Variants in MPP7 observed in about 807,000 individuals in gnomAD.
MPP7 encodes the protein MAGUK p55 subfamily member 7.
In MPP7, 60 loss-of-function variants were observed where a neutral mutation model predicts 76.5. The ratio of observed to expected loss-of-function variants is 0.78; its 90% CI spans 0.64 to 0.97. MPP7 has a LOEUF of 0.97. Ranked by LOEUF, MPP7 falls within the 50% of genes least tolerant of loss-of-function variation. The pLI is 0.00. For missense variants in MPP7, 641 were observed against 694.0 expected (o/e 0.92, Z 0.86); for synonymous variants, 237 against 244.5 (o/e 0.97, Z 0.29).
chr10:28,098,363 CT>C (rs1853663858), intron 11 of MPP7, among the ~76,000 whole-genome samples: 1 of 151,604 alleles, frequency 6.6e-6, no homozygotes, highest in South Asian at 2.1e-4. Flanking sequence ...ATGAGTTTTA[CT>C]TTTTTTAGTA....
chr10:28,323,925 A>G (rs1451344475), intron 2 of MPP7, among the ~76,000 whole-genome samples: 2 of 152,150 alleles, frequency 1.3e-5, no homozygotes, highest in Non-Finnish European at 2.9e-5. Context: ...TGCCATGCAC[A>G]TTTTGCGTTC....
intron 12 of MPP7, among the ~76,000 whole-genome samples, chr10:28,084,036 G>C (rs1021559468): frequency 6.6e-6 from 1 of 152,158 alleles, no homozygotes; most frequent in African/African-American, 2.4e-5. Context: ...AGGGGCTAAA[G>C]AGTTTCACAT....
At chr10:28,083,982 T>C (rs1236847247) in intron 12 of MPP7, among the ~76,000 whole-genome samples, 1 of 152,232 alleles carries the variant, frequency 6.6e-6, no homozygotes, top group Admixed American at 6.5e-5. Context: ...TAAGAAATAC[T>C]GCCTTATACC....
intron 2 of MPP7, among the ~76,000 whole-genome samples, chr10:28,209,896 G>A (rs1315726372): frequency 6.6e-6 from 1 of 152,196 alleles, no homozygotes; most frequent in African/African-American, 2.4e-5. Context: ...GTAGACTCAA[G>A]AAAGAAGATC....
At chr10:28,310,727 C>G (rs1317920163) in intron 2 of MPP7, among the ~76,000 whole-genome samples, 1 of 152,154 alleles carries the variant, frequency 6.6e-6, no homozygotes, top group Non-Finnish European at 1.5e-5. Context: ...TACCTCATTA[C>G]AGCAGTGATC....
At chr10:28,199,490 C>T (rs535876929) in intron 3 of MPP7, among the ~76,000 whole-genome samples, 74 of 152,226 alleles carry the variant, frequency 4.9e-4, no homozygotes, top group African/African-American at 1.6e-3. Context: ...AGCCAGATAC[C>T]CCAAGGTGGC....
intron 5 of MPP7, among the ~76,000 whole-genome samples, chr10:28,140,195 A>G (rs1835469770): frequency 6.6e-6 from 1 of 152,240 alleles, no homozygotes; most frequent in Admixed American, 6.5e-5. Flanking sequence ...GGAGCCCACT[A>G]TCTAATCAAA....
At chr10:28,233,991 CGAAAT>C (rs1253125510) in intron 2 of MPP7, among the ~76,000 whole-genome samples, 1 of 151,944 alleles carries the variant, frequency 6.6e-6, no homozygotes, top group Non-Finnish European at 1.5e-5. Flanking sequence ...AGAAAAGAAA[CGAAAT>C]GAAACAAAAC....
intron 3 of MPP7, among the ~76,000 whole-genome samples, chr10:28,181,865 CA>C (rs1837069684): frequency 6.6e-6 from 1 of 152,186 alleles, no homozygotes; most frequent in East Asian, 1.9e-4. Flanking sequence ...AGAGCCAGCA[CA>C]TAAAAATAAA....
intron 2 of MPP7, among the ~76,000 whole-genome samples, chr10:28,316,435 TAAAAAAAAA>T (rs549621404): frequency 0.1 from 3,770 of 36,908 alleles, 218 homozygotes; most frequent in African/African-American, 0.12. Flanking sequence ...ACTCTGTCTT[TAAAAAAAAA>T]AAAAAAAAAA....
At chr10:28,326,846 C>G (rs543321283) in intron 2 of MPP7, among the ~76,000 whole-genome samples, 59 of 152,316 alleles carry the variant, frequency 3.9e-4, no homozygotes, top group African/African-American at 1.3e-3. Context: ...CTCCCGGGCT[C>G]TGTCTGCTGC....
At chr10:28,097,270 C>G (rs533408577) in intron 11 of MPP7, among the ~76,000 whole-genome samples, 2 of 152,158 alleles carry the variant, frequency 1.3e-5, no homozygotes, top group Non-Finnish European at 2.9e-5. Context: ...GCATGAGCCA[C>G]CATACCTCGC....
chr10:28,308,524 T>C (rs1458470109), intron 2 of MPP7, among the ~76,000 whole-genome samples: 1 of 152,238 alleles, frequency 6.6e-6, no homozygotes, highest in African/African-American at 2.4e-5. Flanking sequence ...TTTATGATCC[T>C]ATTTTGGGTG....
At chr10:28,196,343 G>A (rs1837580549) in intron 3 of MPP7, among the ~76,000 whole-genome samples, 1 of 152,100 alleles carries the variant, frequency 6.6e-6, no homozygotes, top group South Asian at 2.1e-4. Flanking sequence ...AGCTGGGCGT[G>A]GGGGCAGGTG....
chr10:28,218,277 C>G (rs1361391556), intron 2 of MPP7, among the ~76,000 whole-genome samples: 5 of 152,082 alleles, frequency 3.3e-5, no homozygotes. Context: ...TGGGGGAGAA[C>G]TAGAATACAG....
intron 3 of MPP7, among the ~76,000 whole-genome samples, chr10:28,188,164 CAA>C (rs1404291815): frequency 6.6e-6 from 1 of 152,064 alleles, no homozygotes; most frequent in Non-Finnish European, 1.5e-5. Flanking sequence ...TATGGAGATT[CAA>C]AATAAACTCC....
At chr10:28,070,718 A>T (rs1231782035) in intron 12 of MPP7, among the ~76,000 whole-genome samples, 1 of 152,194 alleles carries the variant, frequency 6.6e-6, no homozygotes, top group East Asian at 1.9e-4. Context: ...GGACATATAT[A>T]AGGAGCAAGG....
intron 12 of MPP7, among the ~76,000 whole-genome samples, chr10:28,086,632 G>A (rs1853023970): frequency 1.3e-5 from 2 of 152,210 alleles, no homozygotes; most frequent in Admixed American, 1.3e-4. Flanking sequence ...TAGCTGGAAT[G>A]ATGCTGTGAT....
At chr10:28,204,911 A>G (rs1250415734) in intron 2 of MPP7, among the ~76,000 whole-genome samples, 1 of 152,230 alleles carries the variant, frequency 6.6e-6, no homozygotes, top group African/African-American at 2.4e-5. Context: ...TCTTTTACAT[A>G]TGGAAAGTGT....
Sources: allele counts gnomAD v4.1 joint callset (sites outside exome capture counted in the v4.1 genomes callset), GRCh38; gene constraint gnomAD v4.1.1; transcripts MANE v1.5; gene names NCBI Gene and HGNC (gene_info 2026-07-23, HGNC 2026-07-21).